CHLSN: variants seen among roughly 807,000 people sequenced by gnomAD.
CHLSN encodes the protein cholesin.
At chr7:998,340 T>C in the CHLSN span, among the ~76,000 whole-genome samples, 2 of 152,230 alleles carry the variant, frequency 1.3e-5, no homozygotes, top group African/African-American at 4.8e-5. Context: ...CACTGGGCTC[T>C]TTTTATTATT....
the CHLSN span, chr7:1,026,736 T>A: frequency 6.6e-6 from 1 of 152,250 alleles, no homozygotes; most frequent in Non-Finnish European, 1.5e-5. Context: ...CTCCAGCACC[T>A]GGCTCCGAAG....
chr7:989,905 G>A, the CHLSN span, among the ~76,000 whole-genome samples: 1 of 144,950 alleles, frequency 6.9e-6, no homozygotes, highest in Non-Finnish European at 1.5e-5. Context: ...CGCGTGTGCT[G>A]GTGGCGGTGT....
At chr7:1,105,637 C>T in the CHLSN span, among the ~76,000 whole-genome samples, 227 of 152,010 alleles carry the variant, frequency 1.5e-3, no homozygotes, top group African/African-American at 5.2e-3. Context: ...TATTTTAAGA[C>T]GAAGTCTCAC....
the CHLSN span, among the ~76,000 whole-genome samples, chr7:1,031,836 G>A: frequency 8.9e-5 from 13 of 146,124 alleles, no homozygotes; most frequent in African/African-American, 3.1e-4. Context: ...AGAGTGGTCC[G>A]GGGCGGCAGA....
At chr7:981,254 C>G in the CHLSN span, among the ~76,000 whole-genome samples, 1 of 149,960 alleles carries the variant, frequency 6.7e-6, no homozygotes, top group Non-Finnish European at 1.5e-5. Flanking sequence ...CAAGATCATG[C>G]CACTGCACTC....
chr7:1,081,696 C>A, the CHLSN span, among the ~76,000 whole-genome samples: 1 of 134,984 alleles, frequency 7.4e-6, no homozygotes, highest in Non-Finnish European at 1.7e-5. Flanking sequence ...CCAGACAAGG[C>A]GCAGCCTGGG....
the CHLSN span, among the ~76,000 whole-genome samples, chr7:1,008,950 C>G: frequency 6.6e-6 from 1 of 151,962 alleles, no homozygotes; most frequent in Admixed American, 6.6e-5. Context: ...CGCACACCCC[C>G]TCATGCGAAC....
At chr7:1,026,033 C>G in the CHLSN span, 1 of 152,224 alleles carries the variant, frequency 6.6e-6, no homozygotes, top group Non-Finnish European at 1.5e-5. Context: ...ACTCGTGACC[C>G]CAGATCCCAG....
chr7:1,025,037 A>G, the CHLSN span: 2 of 152,216 alleles, frequency 1.3e-5, no homozygotes, highest in Non-Finnish European at 2.9e-5. Flanking sequence ...CAATGGGGAC[A>G]TGCGGCAAAT....
chr7:1,113,246 T>C, the CHLSN span, among the ~76,000 whole-genome samples: 1 of 152,130 alleles, frequency 6.6e-6, no homozygotes. Flanking sequence ...TCTACCGTTA[T>C]TTTAAACATA....
At chr7:1,023,149 G>C in the CHLSN span, 2 of 374,486 alleles carry the variant, frequency 5.3e-6, no homozygotes, top group African/African-American at 2.1e-5. This position sits in a 1 kb window ranked among gnomAD's most constrained non-coding sequence, Gnocchi z 5.0. Context: ...TTTTAAACGC[G>C]TGAGGTCTGA....
the CHLSN span, among the ~76,000 whole-genome samples, chr7:1,110,470 C>G: frequency 6.6e-6 from 1 of 152,184 alleles, no homozygotes; most frequent in Non-Finnish European, 1.5e-5. Flanking sequence ...CCCCTCAGTG[C>G]GAAGGCACGG....
chr7:978,074 C>G, the CHLSN span, among the ~76,000 whole-genome samples: 4 of 152,240 alleles, frequency 2.6e-5, no homozygotes, highest in Non-Finnish European at 5.9e-5. Flanking sequence ...CCCTAAGCCT[C>G]TCTGTCTGGG....
At chr7:1,015,686 G>T in the CHLSN span, among the ~76,000 whole-genome samples, 2 of 152,216 alleles carry the variant, frequency 1.3e-5, no homozygotes, top group African/African-American at 4.8e-5. Context: ...GCGGGGCCAG[G>T]ACTAACCCAG....
At chr7:1,065,662 G>T in the CHLSN span, among the ~76,000 whole-genome samples, 2 of 152,200 alleles carry the variant, frequency 1.3e-5, no homozygotes, top group African/African-American at 4.8e-5. Flanking sequence ...GGGAGGGCGT[G>T]GGCCAGGGAG....
chr7:1,020,219 T>C, the CHLSN span, among the ~76,000 whole-genome samples: 1 of 152,298 alleles, frequency 6.6e-6, no homozygotes, highest in South Asian at 2.1e-4. Context: ...CATTCCCTCA[T>C]GCTCCCGTCC....
chr7:1,087,522 C>CTG, the CHLSN span, among the ~76,000 whole-genome samples: 730 of 152,292 alleles, frequency 4.8e-3, 7 homozygotes, highest in African/African-American at 0.017. Flanking sequence ...AAACTTTGAA[C>CTG]TGCCTGGACT....
chr7:1,036,206 A>C, the CHLSN span, among the ~76,000 whole-genome samples: 1 of 152,210 alleles, frequency 6.6e-6, no homozygotes, highest in Non-Finnish European at 1.5e-5. Flanking sequence ...ATATTCATTT[A>C]TCAAAACCCA....
chr7:1,005,934 G>A, the CHLSN span, among the ~76,000 whole-genome samples: 2 of 152,276 alleles, frequency 1.3e-5, no homozygotes, highest in Non-Finnish European at 2.9e-5. Flanking sequence ...GCAGGGACCA[G>A]GGAGGCAGCG....
Sources: gnomAD v4.1 joint callset for allele counts (sites outside exome capture counted in the v4.1 genomes callset) on GRCh38, gnomAD v4.1.1 for gene constraint, Gnocchi (gnomAD v3.1) non-coding constraint, MANE v1.5 for transcripts, NCBI Gene and HGNC (gene_info 2026-07-23, HGNC 2026-07-21) for gene names.